The following HMBOX1 variants were observed in gnomAD, a reference collection of about 807,000 sequenced individuals.
The protein encoded by HMBOX1 is homeobox-containing protein 1.
In HMBOX1, 14 loss-of-function variants were observed where a neutral mutation model predicts 54.5. The observed-to-expected ratio is 0.26, with a 90% CI of 0.17 to 0.40. The LOEUF is 0.40. Among genes scored for constraint, HMBOX1 ranks in the 10% least tolerant of loss-of-function variants. HMBOX1 has a pLI of 1.00. For synonymous variants in HMBOX1, 160 were observed against 181.0 expected (o/e 0.88, Z 0.93); for missense variants, 332 against 514.4 (o/e 0.65, Z 3.43).
intron 1 of HMBOX1, among the ~76,000 whole-genome samples, chr8:28,916,135 G>C (rs1200033157): frequency 6.6e-6 from 1 of 152,148 alleles, no homozygotes; most frequent in African/African-American, 2.4e-5. Flanking sequence ...ACTGCAGTCA[G>C]CAGATTTATG....
At chr8:28,935,462 T>G (rs1820238617) in intron 1 of HMBOX1, among the ~76,000 whole-genome samples, 2 of 152,194 alleles carry the variant, frequency 1.3e-5, no homozygotes, top group Admixed American at 1.3e-4. Context: ...TGAGCAAATG[T>G]TGGTGGAAGA....
chr8:29,029,732 T>C (rs1802615198), intron 6 of HMBOX1, among the ~76,000 whole-genome samples: 1 of 152,248 alleles, frequency 6.6e-6, no homozygotes, highest in South Asian at 2.1e-4. Flanking sequence ...AAAATATGAT[T>C]TGAAGAATAA....
chr8:28,925,989 A>G (rs1164283344), intron 1 of HMBOX1, among the ~76,000 whole-genome samples: 3 of 152,024 alleles, frequency 2.0e-5, no homozygotes, highest in African/African-American at 4.8e-5. Flanking sequence ...TTTTTTTTAT[A>G]ATGATTTCTT....
At chr8:28,908,719 T>C (rs1161183826) in intron 1 of HMBOX1, among the ~76,000 whole-genome samples, 2 of 152,096 alleles carry the variant, frequency 1.3e-5, no homozygotes, top group Admixed American at 6.5e-5. Context: ...TGAGCCGAGA[T>C]TGTGCCATTG....
chr8:29,041,862 T>A (rs1414441573), intron 6 of HMBOX1, among the ~76,000 whole-genome samples: 1 of 152,090 alleles, frequency 6.6e-6, no homozygotes, highest in Non-Finnish European at 1.5e-5. Context: ...TTTGAGAATT[T>A]CTGAACAGGA....
chr8:28,998,008 G>A (rs190743088), intron 4 of HMBOX1, among the ~76,000 whole-genome samples: 36 of 152,260 alleles, frequency 2.4e-4, no homozygotes, highest in Admixed American at 5.9e-4. Context: ...TTTTTTATAT[G>A]CGTGGTAGAA....
At chr8:28,908,097 C>T (rs1283973880) in intron 1 of HMBOX1, among the ~76,000 whole-genome samples, 2 of 152,116 alleles carry the variant, frequency 1.3e-5, no homozygotes, top group Admixed American at 6.5e-5. Flanking sequence ...AAGTGATTTG[C>T]CTGCATCAGC....
chr8:29,004,351 TGTG>T (rs1256987636), intron 4 of HMBOX1, among the ~76,000 whole-genome samples: 1 of 152,106 alleles, frequency 6.6e-6, no homozygotes, highest in Non-Finnish European at 1.5e-5. Context: ...ACTGAAAAGA[TGTG>T]GTGTTGGAAT....
intron 4 of HMBOX1, among the ~76,000 whole-genome samples, chr8:28,984,096 C>G (rs1188264674): frequency 1.3e-5 from 2 of 152,164 alleles, no homozygotes; most frequent in Non-Finnish European, 2.9e-5. Flanking sequence ...TAGAGTGAGT[C>G]TGAGTATGGA....
intron 2 of HMBOX1, among the ~76,000 whole-genome samples, chr8:28,964,648 T>A (rs1238815965): frequency 1.3e-5 from 2 of 152,166 alleles, no homozygotes; most frequent in African/African-American, 2.4e-5. Flanking sequence ...TCCGTTTTGG[T>A]TGACAGTTCT....
chr8:28,947,553 G>T (rs370833705), intron 1 of HMBOX1, among the ~76,000 whole-genome samples: 95 of 152,250 alleles, frequency 6.2e-4, no homozygotes, highest in African/African-American at 1.9e-3. Context: ...ATACTCTGAA[G>T]TACAATTTAG....
At chr8:28,892,148 TAAATGCATTTATTATTTTGCATTTATGC>T (rs1270311637) in intron 1 of HMBOX1, among the ~76,000 whole-genome samples, 1 of 152,272 alleles carries the variant, frequency 6.6e-6, no homozygotes, top group African/African-American at 2.4e-5. Flanking sequence ...AATGCATCGT[TAAATGCATTTATTATTTTGCATTTATGC>T]TGCAGGTAAT....
chr8:28,993,195 C>T (rs1239235705), intron 4 of HMBOX1, among the ~76,000 whole-genome samples: 1 of 151,820 alleles, frequency 6.6e-6, no homozygotes, highest in Non-Finnish European at 1.5e-5. Context: ...CTATTTTTGC[C>T]TTTATTCCAC....
At chr8:29,037,347 T>C (rs1237160433) in intron 6 of HMBOX1, among the ~76,000 whole-genome samples, 2 of 152,202 alleles carry the variant, frequency 1.3e-5, no homozygotes, top group Non-Finnish European at 2.9e-5. Context: ...AAGTTTATTA[T>C]TTAAGAATAA....
At chr8:28,982,061 C>A (rs1829422593) in intron 4 of HMBOX1, among the ~76,000 whole-genome samples, 1 of 152,026 alleles carries the variant, frequency 6.6e-6, no homozygotes, top group Admixed American at 6.6e-5. Flanking sequence ...CACGGTGAAA[C>A]TCTGTCTCTA....
At chr8:29,049,097 T>A (rs1316998307) in intron 9 of HMBOX1, 49 bp downstream of exon 9, 1 of 1,561,288 alleles carries the variant, frequency 6.4e-7, no homozygotes, top group Non-Finnish European at 8.8e-7. Context: ...GAGCAGGGGG[T>A]ATAGTGGGAC....
rs1800693130 is a variant in HMBOX1, at chr8:29,018,616, C to A, written c.698-144C>A. ...GAGTATAACTATCAAGCAGGAATTT[C>A]AAAAGAAATTTTTCAGAGAAAGATA... On this transcript the variant is annotated intron_variant, in intron 5 of 9. Transcript: ENST00000287701. 4.0e-6 allele frequency: 3 copies of A among 742,122 alleles called. No individual in the cohort carries two copies. The Admixed American group carries it at 9.6e-5, about 24-fold the overall frequency. 46.0% of individuals were successfully genotyped at this position (742,122 alleles called of 1,614,324 possible).
At chr8:28,925,103 T>C (rs564187271) in intron 1 of HMBOX1, among the ~76,000 whole-genome samples, 1 of 152,208 alleles carries the variant, frequency 6.6e-6, no homozygotes, top group East Asian at 1.9e-4. Flanking sequence ...CTAAGAATGA[T>C]GTTAAATTTT....
intron 1 of HMBOX1, among the ~76,000 whole-genome samples, chr8:28,951,895 C>T (rs1170834330): frequency 6.6e-6 from 1 of 152,142 alleles, no homozygotes; most frequent in Non-Finnish European, 1.5e-5. Flanking sequence ...AGGCTGAGCA[C>T]GGTGGCTCCC....
Sources: gnomAD v4.1 joint callset for allele counts (sites outside exome capture counted in the v4.1 genomes callset) on GRCh38, gnomAD v4.1.1 for gene constraint, MANE v1.5 for transcripts, NCBI Gene and HGNC (gene_info 2026-07-23, HGNC 2026-07-21) for gene names.